ADGRB3: variants seen among roughly 807,000 people sequenced by gnomAD.
ADGRB3 encodes brain-specific angiogenesis inhibitor 3.
Under a neutral mutation model 193.4 loss-of-function variants are expected in ADGRB3, and 37 were observed. The ratio of observed to expected loss-of-function variants is 0.19; its 90% CI spans 0.15 to 0.25. ADGRB3 has a LOEUF of 0.25. ADGRB3 is among the 10% of genes least tolerant of loss of function. The pLI is 1.00. For synonymous variants in ADGRB3, 690 were observed against 644.2 expected (o/e 1.07, Z -1.08); for missense variants, 1,637 against 1,852.9 (o/e 0.88, Z 2.14).
intron 3 of ADGRB3, among the ~76,000 whole-genome samples, chr6:68,779,312 C>T (rs1423270436): frequency 1.3e-5 from 2 of 150,034 alleles, no homozygotes; most frequent in Non-Finnish European, 3.0e-5. Flanking sequence ...CCTTAGAAAG[C>T]TATAGCAGAT....
intron 17 of ADGRB3, among the ~76,000 whole-genome samples, chr6:69,126,521 A>T (rs944332530): frequency 2.6e-5 from 4 of 152,158 alleles, no homozygotes; most frequent in Non-Finnish European, 4.4e-5. Flanking sequence ...TCAAGTTCTG[A>T]TATCTGAGGG....
At chr6:68,778,305 G>T (rs1402047368) in intron 3 of ADGRB3, among the ~76,000 whole-genome samples, 3 of 151,954 alleles carry the variant, frequency 2.0e-5, no homozygotes, top group Admixed American at 6.6e-5. Context: ...TTATGTTGTT[G>T]GAAAAACTAG....
chr6:69,352,386 G>A (rs188714681), intron 26 of ADGRB3, among the ~76,000 whole-genome samples: 140 of 152,234 alleles, frequency 9.2e-4, no homozygotes, highest in Non-Finnish European at 1.4e-3. Flanking sequence ...ATTTCACTAC[G>A]TCTGTACTTA....
chr6:69,384,451 C>T (rs1770018501), intron 31 of ADGRB3, among the ~76,000 whole-genome samples: 1 of 151,990 alleles, frequency 6.6e-6, no homozygotes, highest in South Asian at 2.1e-4. Context: ...TGAAAGATAA[C>T]ATTGAAATAA....
rs373111751 is a variant in ADGRB3 at position 68,642,892 on chromosome 6, C to A, written c.757+3460C>A. Reference sequence around the variant, plus strand: ...GACTGGTATTTATTAACAAAGTCATCTTTAATTGTCCTGAGGTCTTTACTA... The same window carrying A: ...GACTGGTATTTATTAACAAAGTCATATTTAATTGTCCTGAGGTCTTTACTA... On this transcript the variant is annotated intron_variant, in intron 3 of 31. Coordinates refer to ENST00000370598, the MANE Select transcript of ADGRB3 (RefSeq NM_001704.3). Among the ~76,000 whole-genome samples the A allele has an allele frequency of 3.3e-5, 5 of 151,870 alleles. No individual in the cohort carries two copies. In the East Asian group the frequency reaches 5.8e-4, roughly 18 times the overall value.
intron 13 of ADGRB3, among the ~76,000 whole-genome samples, chr6:69,022,080 A>G (rs938676860): frequency 2.0e-5 from 3 of 151,866 alleles, no homozygotes; most frequent in Non-Finnish European, 4.4e-5. Context: ...ATGACATCTA[A>G]AATAAACACA....
At chr6:68,715,494 A>G (rs1283759266) in intron 3 of ADGRB3, among the ~76,000 whole-genome samples, 1 of 151,782 alleles carries the variant, frequency 6.6e-6, no homozygotes, top group Non-Finnish European at 1.5e-5. Flanking sequence ...TGACTTTGCC[A>G]TAGTCATGTG....
At chr6:68,766,683 T>C (rs1032179553) in intron 3 of ADGRB3, among the ~76,000 whole-genome samples, 4 of 152,076 alleles carry the variant, frequency 2.6e-5, no homozygotes, top group African/African-American at 7.2e-5. Context: ...TGATTCCAAT[T>C]AGTTGTAATC....
At chr6:68,967,326 G>A (rs949459743) in intron 8 of ADGRB3, among the ~76,000 whole-genome samples, 10 of 152,114 alleles carry the variant, frequency 6.6e-5, no homozygotes, top group Admixed American at 3.3e-4. Flanking sequence ...ATAAAATTCA[G>A]TAATAGAAAG....
At chr6:68,971,946 C>T (rs1167759399) in intron 8 of ADGRB3, among the ~76,000 whole-genome samples, 1 of 152,156 alleles carries the variant, frequency 6.6e-6, no homozygotes, top group Non-Finnish European at 1.5e-5. Flanking sequence ...CCAAGGACCT[C>T]TGTGGCCCGC....
At chr6:68,688,315 C>T (rs1765017040) in intron 3 of ADGRB3, among the ~76,000 whole-genome samples, 1 of 152,132 alleles carries the variant, frequency 6.6e-6, no homozygotes, top group East Asian at 1.9e-4. Flanking sequence ...ATGCCATGAT[C>T]GATAAATTTA....
At chr6:68,822,089 G>C (rs1035423732) in intron 3 of ADGRB3, among the ~76,000 whole-genome samples, 1 of 151,852 alleles carries the variant, frequency 6.6e-6, no homozygotes, top group Non-Finnish European at 1.5e-5. Context: ...CAAATTCAGT[G>C]CCCTCAAGAC....
At position 69,063,021 on chromosome 6, in the gene ADGRB3, A is replaced by T. The variant is rs759939826; in HGVS notation, c.2421A>T (p.Leu807=). 2 of 1,611,420 alleles carry T rather than the reference A, an allele frequency of 1.2e-6. No homozygotes were observed. The highest frequency in any genetic ancestry group is 8.5e-7 in the Non-Finnish European group (1 of 1,178,048). The change falls in exon 16 of 32, where the codon CTA becomes CTT. Residue 807 remains leucine (L), a synonymous_variant. Transcript: ENST00000370598. ...KTTDSFLEIE[L]AHLANGTLNP... is the part of the protein sequence containing the mutation. ...CCGATTCGTTTCTGGAGATAGAACT[A>T]GCTCATTTGGCTAATGTAAGTACCA...
chr6:68,637,117 C>T (rs1767977841), intron 1 of ADGRB3, among the ~76,000 whole-genome samples: 8 of 152,006 alleles, frequency 5.3e-5, no homozygotes, highest in Admixed American at 5.2e-4. Flanking sequence ...TTTTGATGGT[C>T]CCAGCAGTTC....
chr6:68,978,269 A>G (rs1338080811), intron 10 of ADGRB3, among the ~76,000 whole-genome samples: 1 of 151,358 alleles, frequency 6.6e-6, no homozygotes, highest in African/African-American at 2.4e-5. Context: ...ACCTGTAGAA[A>G]AGTATAGATA....
chr6:69,361,262 T>C lies in ADGRB3; in HGVS notation c.3989T>C (p.Ile1330Thr), dbSNP rs375611922. The C allele has an allele frequency of 1.2e-6, 2 of 1,612,816 alleles. No individual in the cohort carries two copies. The highest frequency in any genetic ancestry group is 1.7e-6 in the Non-Finnish European group (2 of 1,179,268). Residue 1330 changes from isoleucine to threonine, a missense_variant, in exon 29 of 32, where the codon ATT becomes ACT. This residue lies in a region of ADGRB3 where 368 missense variants were observed against 367.4 expected (regional missense o/e 1.00). Transcript: ENST00000370598. ...PSMKEESKMN[I>T]GMETLPHERL... is the part of the protein sequence containing the mutation. ...ATGAAAGAAGAAAGCAAAATGAATA[T>C]TGGCATGGAAACCTTGCCGCATGAA...
intron 10 of ADGRB3, among the ~76,000 whole-genome samples, chr6:68,981,984 C>G (rs1296045542): frequency 6.6e-6 from 1 of 151,876 alleles, no homozygotes; most frequent in Non-Finnish European, 1.5e-5. Flanking sequence ...TTCAAGCGAT[C>G]AAGCGATTCT....
intron 17 of ADGRB3, among the ~76,000 whole-genome samples, chr6:69,194,703 C>T (rs1259404623): frequency 6.6e-6 from 1 of 152,036 alleles, no homozygotes; most frequent in Non-Finnish European, 1.5e-5. Context: ...CATATATAAA[C>T]AAACGTATTA....
chr6:68,820,020 A>G (rs776710562), intron 3 of ADGRB3, among the ~76,000 whole-genome samples: 2 of 151,994 alleles, frequency 1.3e-5, no homozygotes, highest in Non-Finnish European at 2.9e-5. Flanking sequence ...GACTTACTAA[A>G]TATTCGTACT....
Sources: gnomAD v4.1 joint callset for allele counts (sites outside exome capture counted in the v4.1 genomes callset) on GRCh38, gnomAD v4.1.1 for gene constraint, gnomAD v4.1.1 regional missense constraint, MANE v1.5 for transcripts, NCBI Gene and HGNC (gene_info 2026-07-23, HGNC 2026-07-21) for gene names.